The following DNAAF9 variants were observed in gnomAD, a reference collection of about 807,000 sequenced individuals.
The protein encoded by DNAAF9 is shulin.
A neutral mutation model predicts 167.0 loss-of-function variants in DNAAF9; 90 were observed. The observed-to-expected ratio is 0.54, with a 90% confidence interval of 0.45 to 0.64. The LOEUF (loss-of-function observed/expected upper bound fraction) is 0.64, where lower values mean the gene tolerates loss of function less well. Ranked by LOEUF, DNAAF9 falls within the 30% of genes least tolerant of loss-of-function variation. The probability of loss-of-function intolerance (pLI) is 0.00; values close to 1 mark genes in which losing one functional copy is unlikely to be tolerated. For missense variants in DNAAF9, 1,315 were observed against 1,442.2 expected, an observed-to-expected ratio of 0.91 and a Z score of 1.43; for synonymous variants, 491 against 508.8, an observed-to-expected ratio of 0.96 and a Z score of 0.47.
intron 20 of DNAAF9, among the ~76,000 whole-genome samples, chr20:3,312,915 A>G (rs2069439510): frequency 6.6e-6 from 1 of 152,210 alleles, no homozygotes; most frequent in African/African-American, 2.4e-5. Context: ...AAGAAAGTTT[A>G]AAATTTAAGT....
At chr20:3,328,421 C>A (rs537302367) in intron 12 of DNAAF9, among the ~76,000 whole-genome samples, 1 of 152,222 alleles carries the variant, frequency 6.6e-6, no homozygotes, top group African/African-American at 2.4e-5. Flanking sequence ...ACCTTGTGAT[C>A]CATCTGCCTT....
intron 7 of DNAAF9, among the ~76,000 whole-genome samples, chr20:3,356,831 C>T (rs1347880992): frequency 6.6e-6 from 1 of 152,070 alleles, no homozygotes; most frequent in East Asian, 1.9e-4. Flanking sequence ...TGACCAATCA[C>T]CTTCCATATG....
At chr20:3,398,723 T>C (rs564238028) in intron 1 of DNAAF9, among the ~76,000 whole-genome samples, 6 of 152,350 alleles carry the variant, frequency 3.9e-5, no homozygotes, top group East Asian at 1.9e-4. Context: ...TTGGCATTAA[T>C]CTAGACTTTC....
rs1424319669 is a variant in DNAAF9, at chr20:3,338,357, T to C, written c.981+2147A>G. 3.3e-5 allele frequency among the ~76,000 whole-genome samples: 5 copies of C among 152,292 alleles called. No homozygotes were observed. The East Asian group carries it at 5.8e-4, about 18-fold the overall frequency. On this transcript the variant is annotated intron_variant, in intron 10 of 36. Transcript: ENST00000252032. ...CCTGGAATTTTCATCCTTGTTCCTC[T>C]ATAGGTAAGGTGTTTTATTTCCCCT...
chr20:3,336,258 G>T (rs66496949), intron 10 of DNAAF9, among the ~76,000 whole-genome samples: 27,002 of 112,596 alleles, frequency 0.24, 3,564 homozygotes, highest in African/African-American at 0.38. Context: ...TTGCGTTTTT[G>T]TTTTTTTTTT....
chr20:3,403,583 G>C (rs1006198746), intron 1 of DNAAF9, among the ~76,000 whole-genome samples: 3 of 148,642 alleles, frequency 2.0e-5, no homozygotes, highest in Non-Finnish European at 4.4e-5. Flanking sequence ...CTTCACCCTT[G>C]CAAGTGTCAC....
At chr20:3,358,128 A>G (rs1600851206) in intron 7 of DNAAF9, among the ~76,000 whole-genome samples, 1 of 152,222 alleles carries the variant, frequency 6.6e-6, no homozygotes, top group Middle Eastern at 3.4e-3. Context: ...GAGAAACTCA[A>G]GGCCACCCTG....
chr20:3,327,971 T>G (rs1295656612), intron 12 of DNAAF9, among the ~76,000 whole-genome samples: 1 of 152,190 alleles, frequency 6.6e-6, no homozygotes, highest in African/African-American at 2.4e-5. Context: ...CAGAATCCTC[T>G]ACACTTTGAC....
Position 3,406,791 on chromosome 20 carries a change from C to T in DNAAF9, c.83+684G>A, listed in dbSNP as rs144110374. Among the ~76,000 whole-genome samples, 390 of 152,254 alleles carry T rather than the reference C, an allele frequency of 2.6e-3. 4 individuals are homozygous for T. Among genetic ancestry groups the T allele is most frequent in the East Asian group, 0.017 (86 of 5,166 alleles). On this transcript the variant is annotated intron_variant, in intron 1 of 36. Coordinates refer to ENST00000252032, the MANE Select transcript of DNAAF9 (RefSeq NM_001009984.3). ...AGTTTTTCCTCCTGCGTCCCTAATA[C>T]CTCTACTTCCTCCCAACCCGAGCTC...
Position 3,381,392 on chromosome 20 carries a change from T to C in DNAAF9, c.270A>G (p.Glu90=). The C allele has an allele frequency of 6.2e-7, 1 of 1,610,568 alleles. No homozygotes were observed. The highest frequency in any genetic ancestry group is 8.5e-7 in the Non-Finnish European group (1 of 1,176,916). Residue 90 remains glutamate (E), a synonymous_variant, in exon 3 of 37, where the codon GAA becomes GAG. Transcript: ENST00000252032. ...ATATATACTTACCATCTAGTACTTC[T>C]TCAGAAAATCCCGTTTTCTCAAAAT... is the stretch of plus-strand genomic sequence containing the variant. ...TSDFEKTGFS[E]EVLDDVIILI...
At chr20:3,375,797 G>A (rs531491506) in intron 4 of DNAAF9, among the ~76,000 whole-genome samples, 3 of 152,000 alleles carry the variant, frequency 2.0e-5, no homozygotes, top group South Asian at 4.1e-4. Context: ...GCAGTGAGCC[G>A]AGACTGTGCC....
chr20:3,378,987 TC>T (rs1173605362), intron 3 of DNAAF9, among the ~76,000 whole-genome samples: 1 of 151,638 alleles, frequency 6.6e-6, no homozygotes, highest in Non-Finnish European at 1.5e-5. Flanking sequence ...GAGGCCCCTC[TC>T]ATCTCTCAGC....
chr20:3,258,691 A>C (rs999638919), intron 33 of DNAAF9, among the ~76,000 whole-genome samples: 4 of 152,122 alleles, frequency 2.6e-5, no homozygotes, highest in Non-Finnish European at 5.9e-5. Flanking sequence ...AGGGGAGGAC[A>C]CGAAGACATA....
At chr20:3,311,018 A>T (rs971662033) in intron 20 of DNAAF9, among the ~76,000 whole-genome samples, 1 of 152,206 alleles carries the variant, frequency 6.6e-6, no homozygotes, top group African/African-American at 2.4e-5. Context: ...GTGGGCTCAT[A>T]CTAAAATTCC....
At chr20:3,368,203 A>T (rs187335079) in intron 6 of DNAAF9, among the ~76,000 whole-genome samples, 55 of 152,270 alleles carry the variant, frequency 3.6e-4, no homozygotes, top group African/African-American at 1.3e-3. Context: ...TGGTCCCCGC[A>T]GACTCCCAGC....
At chr20:3,333,961 G>A (rs1780975895) in intron 10 of DNAAF9, among the ~76,000 whole-genome samples, 1 of 152,164 alleles carries the variant, frequency 6.6e-6, no homozygotes, top group Non-Finnish European at 1.5e-5. Flanking sequence ...GTGTCATAGA[G>A]CACGACTCTT....
intron 16 of DNAAF9, among the ~76,000 whole-genome samples, chr20:3,320,121 C>A (rs772091958): frequency 6.6e-6 from 1 of 151,910 alleles, no homozygotes; most frequent in South Asian, 2.1e-4. Context: ...CCATGTGGCA[C>A]GGGGAAAGAA....
Position 3,388,688 on chromosome 20 carries a change from A to G in DNAAF9, c.84-6182T>C, listed in dbSNP as rs527298719. 7.9e-5 allele frequency among the ~76,000 whole-genome samples: 12 copies of G among 152,350 alleles called. No individual in the cohort carries two copies. The East Asian group carries it at 2.1e-3, about 27-fold the overall frequency. Reference sequence around the variant, plus strand: ...TTATGGTAAGTGAAATCCAGCCATAAAAGTACAAATTCTGTATGATTCTAC... The same window carrying G: ...TTATGGTAAGTGAAATCCAGCCATAGAAGTACAAATTCTGTATGATTCTAC... On this transcript the variant is annotated intron_variant, in intron 1 of 36. Transcript: ENST00000252032.
chr20:3,384,450 A>C (rs935611273), intron 1 of DNAAF9: 4 of 152,122 alleles, frequency 2.6e-5, no homozygotes, highest in African/African-American at 9.7e-5. Flanking sequence ...TTCCTCTTTA[A>C]TCATCAGTCA....
Sources: gnomAD v4.1 joint callset for allele counts (sites outside exome capture counted in the v4.1 genomes callset) on GRCh38, gnomAD v4.1.1 for gene constraint, MANE v1.5 for transcripts, NCBI Gene and HGNC (gene_info 2026-07-23, HGNC 2026-07-21) for gene names.